The following PCDHA6 variants were observed in gnomAD, a reference collection of about 807,000 sequenced individuals.
The protein encoded by PCDHA6 is protocadherin alpha-6.
PCDHA6 carries 55 observed loss-of-function variants against 60.3 expected under a neutral mutation model. The ratio of observed to expected loss-of-function variants is 0.91; its 90% CI spans 0.73 to 1.14. PCDHA6 has a LOEUF of 1.14. Ranked by LOEUF, PCDHA6 falls within the 50% of genes most tolerant of loss-of-function variation. The pLI is 0.00. For synonymous variants in PCDHA6, 652 were observed against 557.9 expected, an observed-to-expected ratio of 1.17 and a Z score of -2.38; for missense variants, 1,327 against 1,256.5, an observed-to-expected ratio of 1.06 and a Z score of -0.85.
intron 3 of PCDHA6, among the ~76,000 whole-genome samples, chr5:141,007,904 T>C (rs1397513381): frequency 6.6e-6 from 1 of 152,278 alleles, no homozygotes; most frequent in African/African-American, 2.4e-5. Flanking sequence ...TTGTTCTTTG[T>C]TGAAGATGCT....
At chr5:140,970,252 T>A (rs2096392828) in intron 1 of PCDHA6, among the ~76,000 whole-genome samples, 1 of 152,234 alleles carries the variant, frequency 6.6e-6, no homozygotes, top group Non-Finnish European at 1.5e-5. Context: ...GTTGACAGTT[T>A]CTATGGTTTT....
intron 1 of PCDHA6, chr5:140,870,750 G>C: frequency 1.2e-6 from 2 of 1,613,506 alleles, no homozygotes; most frequent in Non-Finnish European, 1.7e-6. Flanking sequence ...GCAACGTGAC[G>C]CTGCAGGTGT....
In PCDHA6 at chr5:140,829,914, C is replaced by T. The variant is rs782449533; in HGVS notation, c.1823C>T (p.Ser608Leu). ...DADSGYNAWL[S>L]YELQPPASSA... Reference sequence around the variant, plus strand: ...GACTCAGGCTACAACGCGTGGCTTTCGTATGAGCTGCAGCCCCCGGCAAGC... The same window carrying T: ...GACTCAGGCTACAACGCGTGGCTTTTGTATGAGCTGCAGCCCCCGGCAAGC... The change falls in exon 1 of 4, where the codon TCG becomes TTG. Residue 608 changes from serine to leucine, a missense_variant. Transcript: ENST00000529310. 1 of 1,613,998 alleles carries T rather than the reference C, an allele frequency of 6.2e-7. No individual in the cohort carries two copies. The highest frequency in any genetic ancestry group is 8.5e-7 in the Non-Finnish European group (1 of 1,179,902).
chr5:140,965,305 A>G (rs2095888625), intron 1 of PCDHA6, among the ~76,000 whole-genome samples: 2 of 152,136 alleles, frequency 1.3e-5, no homozygotes, highest in African/African-American at 4.8e-5. Context: ...TGATCCTTCT[A>G]CCTTCTCTTT....
chr5:140,966,674 G>T, intron 1 of PCDHA6: 1 of 1,295,168 alleles, frequency 7.7e-7, no homozygotes, highest in Admixed American at 3.8e-5. Flanking sequence ...GGCGCAGGGT[G>T]GCACGAGCGG....
At chr5:140,914,016 G>A (rs1344982730) in intron 1 of PCDHA6, among the ~76,000 whole-genome samples, 2 of 152,140 alleles carry the variant, frequency 1.3e-5, no homozygotes, top group Non-Finnish European at 2.9e-5. Flanking sequence ...CTTTGAGAAT[G>A]ATCCACGTGC....
At chr5:140,947,027 A>G (rs554018076) in intron 1 of PCDHA6, among the ~76,000 whole-genome samples, 2 of 151,820 alleles carry the variant, frequency 1.3e-5, no homozygotes, top group African/African-American at 2.4e-5. Context: ...GAGGTAATGG[A>G]TATACTAATT....
intron 1 of PCDHA6, chr5:140,869,236 G>T (rs781873875): frequency 6.2e-7 from 1 of 1,613,674 alleles, no homozygotes; most frequent in South Asian, 1.1e-5. Context: ...CGGCACCTTC[G>T]TGGGCCGCAT....
rs2150458258 is a variant in PCDHA6 at position 140,849,933 on chromosome 5, C to T, written c.2394+19448C>T. On this transcript the variant is annotated intron_variant, in intron 1 of 3. Transcript: ENST00000529310. Reference sequence around the variant, plus strand: ...CTGCCACATCTTCACGGTGTCTGCGCGGGACGCTGACGCGCAGGAGAACGC... The same window carrying T: ...CTGCCACATCTTCACGGTGTCTGCGTGGGACGCTGACGCGCAGGAGAACGC... The T allele has an allele frequency of 9.3e-5, 149 of 1,598,118 alleles. 10 individuals are homozygous for T. The highest frequency in any genetic ancestry group is 7.4e-4 in the South Asian group (67 of 90,542).
intron 1 of PCDHA6, among the ~76,000 whole-genome samples, chr5:140,888,280 C>T (rs182771664): frequency 2.0e-5 from 3 of 152,210 alleles, no homozygotes; most frequent in African/African-American, 4.8e-5. Context: ...GTTTTGTCCC[C>T]TCTACCCCCT....
chr5:140,929,381 G>GT (rs1554207059), intron 1 of PCDHA6: 2 of 1,510,858 alleles, frequency 1.3e-6, no homozygotes, highest in African/African-American at 1.4e-5. Flanking sequence ...TGCTAGCTGT[G>GT]TTTTGAAATA....
chr5:140,970,595 G>C (rs1554232604), intron 1 of PCDHA6, among the ~76,000 whole-genome samples: 1 of 152,098 alleles, frequency 6.6e-6, no homozygotes, highest in African/African-American at 2.4e-5. Context: ...TATGCTTTGT[G>C]ATACTTAAAA....
chr5:141,004,402 A>T (rs2098165262), intron 3 of PCDHA6, among the ~76,000 whole-genome samples: 1 of 152,188 alleles, frequency 6.6e-6, no homozygotes, highest in African/African-American at 2.4e-5. Context: ...TGGAGGAGGC[A>T]CCTGACTAGA....
At chr5:140,937,739 C>T (rs1563162684) in intron 1 of PCDHA6, among the ~76,000 whole-genome samples, 1 of 151,716 alleles carries the variant, frequency 6.6e-6, no homozygotes, top group African/African-American at 2.4e-5. Context: ...GGTGAAACCC[C>T]GTCTCTACTA....
At position 140,971,724 on chromosome 5, in the gene PCDHA6, C is replaced by T. The variant is rs1489489083; in HGVS notation, c.2395-7225C>T. On this transcript the variant is annotated intron_variant, in intron 1 of 3. Coordinates refer to ENST00000529310, the MANE Select transcript of PCDHA6 (RefSeq NM_018909.4). ...CCCTGCTATATAGATATATGTATAT[C>T]ATACATATACACATACATATATCTC... 2.0e-5 allele frequency among the ~76,000 whole-genome samples: 3 copies of T among 151,776 alleles called. No homozygotes were observed. The East Asian group carries it at 5.8e-4, about 29-fold the overall frequency.
At chr5:140,941,191 T>TTTCTTTCTTTC (rs1487503403) in intron 1 of PCDHA6, among the ~76,000 whole-genome samples, 64 of 93,246 alleles carry the variant, frequency 6.9e-4, no homozygotes, top group South Asian at 4.2e-3. Context: ...GCTTCTTTTT[T>TTTCTTTCTTTC]TTTCTTTCTT....
intron 1 of PCDHA6, chr5:140,843,376 C>G (rs1554140003): frequency 1.3e-6 from 2 of 1,595,956 alleles, no homozygotes; most frequent in Admixed American, 1.7e-5. Context: ...AGTCGGCTGG[C>G]GTTTTGGGTC....
Position 140,828,305 on chromosome 5 carries a change from G to A in PCDHA6, c.214G>A (p.Glu72Lys), listed in dbSNP as rs2150153784. Residue 72 changes from glutamate (E) to lysine (K), a missense_variant, in exon 1 of 4, where the codon GAG becomes AAG. Transcript: ENST00000529310. ...RLFRMASKDR[E>K]DLLEVNLQNG... ...GTTCAGGATGGCCTCCAAAGACCGC[G>A]AGGACCTTCTGGAGGTAAATCTGCA... The A allele has an allele frequency of 5.0e-5, 80 of 1,613,966 alleles. No individual in the cohort carries two copies. The highest frequency in any genetic ancestry group is 6.7e-5 in the Non-Finnish European group (79 of 1,180,044).
intron 3 of PCDHA6, among the ~76,000 whole-genome samples, chr5:140,990,570 C>T (rs142596715): frequency 7.2e-4 from 110 of 152,260 alleles, no homozygotes; most frequent in African/African-American, 2.4e-3. Context: ...CACACCTGTT[C>T]GATCTCTTTT....
Sources: allele counts gnomAD v4.1 joint callset (sites outside exome capture counted in the v4.1 genomes callset), GRCh38; gene constraint gnomAD v4.1.1; transcripts MANE v1.5; gene names NCBI Gene and HGNC (gene_info 2026-07-23, HGNC 2026-07-21).